Variants in SSBP2 observed in about 807,000 individuals in gnomAD.
SSBP2 encodes single-stranded DNA-binding protein 2.
Under a neutral mutation model 61.8 loss-of-function variants are expected in SSBP2, and 17 were observed. That is an observed-to-expected ratio of 0.28 (90% confidence interval 0.19 to 0.41). SSBP2 has a LOEUF of 0.41. Ranked by LOEUF, SSBP2 falls within the 10% of genes least tolerant of loss-of-function variation. SSBP2 has a pLI of 1.00. For synonymous variants in SSBP2, 139 were observed against 141.3 expected, an observed-to-expected ratio of 0.98 and a Z score of 0.12; for missense variants, 310 against 458.7, an observed-to-expected ratio of 0.68 and a Z score of 2.96.
chr5:81,587,747 G>A (rs1377108676), intron 4 of SSBP2, among the ~76,000 whole-genome samples: 5 of 128,230 alleles, frequency 3.9e-5, no homozygotes, highest in Admixed American at 8.5e-5. Context: ...ACACACACAC[G>A]CACACACACG....
chr5:81,616,022 A>G (rs1238314849), intron 3 of SSBP2: 2 of 152,860 alleles, frequency 1.3e-5, no homozygotes, highest in East Asian at 1.9e-4. Flanking sequence ...AAACAAATGT[A>G]TTTTCTAAAT....
chr5:81,473,127 G>A (rs1178107898), intron 8 of SSBP2, among the ~76,000 whole-genome samples: 1 of 152,160 alleles, frequency 6.6e-6, no homozygotes, highest in African/African-American at 2.4e-5. Flanking sequence ...CATGAAGTCT[G>A]TAATGCATAT....
At chr5:81,439,539 T>C (rs1053784702) in intron 14 of SSBP2, among the ~76,000 whole-genome samples, 2 of 151,280 alleles carry the variant, frequency 1.3e-5, no homozygotes, top group African/African-American at 4.9e-5. Context: ...GTTTTGCTCG[T>C]CACCCAGGCT....
At chr5:81,540,258 A>G (rs189031594) in intron 4 of SSBP2, among the ~76,000 whole-genome samples, 136 of 152,344 alleles carry the variant, frequency 8.9e-4, no homozygotes, top group African/African-American at 3.2e-3. Flanking sequence ...GTATATAGCC[A>G]GTAATGGGAT....
chr5:81,708,449 T>A (rs1198978453), intron 1 of SSBP2, among the ~76,000 whole-genome samples: 2 of 152,146 alleles, frequency 1.3e-5, no homozygotes, highest in Non-Finnish European at 2.9e-5. Context: ...ATGAGTTAAT[T>A]GAAAAGTTGT....
intron 5 of SSBP2, among the ~76,000 whole-genome samples, chr5:81,505,879 T>C (rs1056648775): frequency 6.6e-5 from 10 of 152,252 alleles, no homozygotes; most frequent in East Asian, 3.9e-4. Context: ...CAACAAAAAA[T>C]TGGATTTCTA....
chr5:81,738,593 C>T (rs1457753868), intron 1 of SSBP2, among the ~76,000 whole-genome samples: 2 of 152,102 alleles, frequency 1.3e-5, no homozygotes, highest in Admixed American at 6.5e-5. Flanking sequence ...CCTGTTCCTC[C>T]TCCTGTATCC....
At chr5:81,689,853 G>C (rs527814417) in intron 1 of SSBP2, among the ~76,000 whole-genome samples, 3 of 151,926 alleles carry the variant, frequency 2.0e-5, no homozygotes, top group Non-Finnish European at 2.9e-5. Context: ...ATCTGGAGTA[G>C]AAAAACTAAA....
intron 2 of SSBP2, among the ~76,000 whole-genome samples, chr5:81,646,683 A>C: frequency 8.2e-6 from 1 of 122,226 alleles, no homozygotes; most frequent in African/African-American, 3.3e-5. Context: ...AAACCTGATG[A>C]TGTCATTTTT....
chr5:81,588,109 G>A (rs1177213411), intron 4 of SSBP2, among the ~76,000 whole-genome samples: 1 of 152,028 alleles, frequency 6.6e-6, no homozygotes, highest in Non-Finnish European at 1.5e-5. Context: ...GGGATTACAA[G>A]TGTATGCCAC....
At chr5:81,608,368 GC>G (rs1018779159) in intron 4 of SSBP2, among the ~76,000 whole-genome samples, 2 of 152,002 alleles carry the variant, frequency 1.3e-5, no homozygotes, top group African/African-American at 4.8e-5. Flanking sequence ...TATTAGAATA[GC>G]CTCCTAACTG....
In SSBP2 at chr5:81,726,494, A is replaced by AT. The variant is rs1755899098; in HGVS notation, c.62+24486dup. Among the ~76,000 whole-genome samples, 5 of 152,284 alleles carry AT rather than the reference A, an allele frequency of 3.3e-5. No homozygotes were observed. The Middle Eastern group carries it at 0.017, about 518-fold the overall frequency. On this transcript the variant is annotated intron_variant, in intron 1 of 16. Transcript: ENST00000320672. ...GCCCAGGGCCAGAACTGCCACTGTT[A>AT]TTCACTGTGCTACCAATGCTGCACT...
chr5:81,631,869 G>C (rs1396511269), intron 3 of SSBP2, among the ~76,000 whole-genome samples: 2 of 152,106 alleles, frequency 1.3e-5, no homozygotes, highest in African/African-American at 4.8e-5. Flanking sequence ...GTAAAACTGA[G>C]ACTGAAAACA....
chr5:81,608,526 A>G (rs1228919506), intron 4 of SSBP2, among the ~76,000 whole-genome samples: 1 of 152,210 alleles, frequency 6.6e-6, no homozygotes, highest in African/African-American at 2.4e-5. Context: ...TTGGAAAAGT[A>G]CTAATGAGAA....
In SSBP2 at chr5:81,527,255, T is replaced by C. The variant is rs186326585; in HGVS notation, c.283-13538A>G. 1.8e-3 allele frequency among the ~76,000 whole-genome samples: 266 copies of C among 151,940 alleles called. 1 individual carries two copies. Among genetic ancestry groups the C allele is most frequent in the African/African-American group, 6.1e-3 (253 of 41,482 alleles). On this transcript the variant is annotated intron_variant, in intron 4 of 16. Coordinates refer to ENST00000320672, the MANE Select transcript of SSBP2 (RefSeq NM_012446.5). ...CTGGTAGCTCTTTGAGAAAATGAAA[T>C]AGACAAGAGATAAAGCAAGAGAAGA...
At chr5:81,436,682 A>C (rs781524909) in intron 15 of SSBP2, among the ~76,000 whole-genome samples, 1 of 152,198 alleles carries the variant, frequency 6.6e-6, no homozygotes, top group Non-Finnish European at 1.5e-5. Context: ...CAGACTTCTA[A>C]GAGAATCATT....
chr5:81,672,500 A>T (rs1751653105), intron 1 of SSBP2, among the ~76,000 whole-genome samples: 1 of 152,180 alleles, frequency 6.6e-6, no homozygotes, highest in African/African-American at 2.4e-5. Context: ...CAAATGAAAG[A>T]GAAAAATAGA....
intron 4 of SSBP2, among the ~76,000 whole-genome samples, chr5:81,523,215 T>C (rs1476301381): frequency 6.6e-6 from 1 of 152,032 alleles, no homozygotes; most frequent in Non-Finnish European, 1.5e-5. Context: ...GCAAGAGAAG[T>C]GCAAAAGGAC....
chr5:81,643,376 A>G (rs1260099482), intron 2 of SSBP2, among the ~76,000 whole-genome samples: 1 of 151,862 alleles, frequency 6.6e-6, no homozygotes, highest in Admixed American at 6.6e-5. Flanking sequence ...AATAACTTTT[A>G]ATACCATAAA....
Sources: allele counts gnomAD v4.1 joint callset (sites outside exome capture counted in the v4.1 genomes callset), GRCh38; gene constraint gnomAD v4.1.1; transcripts MANE v1.5; gene names NCBI Gene and HGNC (gene_info 2026-07-23, HGNC 2026-07-21).